Variants in ACTN1 observed in about 807,000 individuals in gnomAD.
ACTN1 encodes the protein actinin alpha 1.
A neutral mutation model predicts 119.6 loss-of-function variants in ACTN1; 30 were observed. That is an observed-to-expected ratio of 0.25 (90% confidence interval 0.19 to 0.34). The LOEUF is 0.34. Among genes scored for constraint, ACTN1 ranks in the 10% least tolerant of loss-of-function variants. The pLI, the probability that ACTN1 is intolerant of heterozygous loss-of-function variation, is 1.00. For synonymous variants in ACTN1, 429 were observed against 472.6 expected (o/e 0.91, Z 1.20); for missense variants, 764 against 1,223.4 (o/e 0.62, Z 5.60).
At chr14:68,956,796 CCT>C (rs144840579) in intron 1 of ACTN1, among the ~76,000 whole-genome samples, 1 of 151,328 alleles carries the variant, frequency 6.6e-6, no homozygotes, top group Non-Finnish European at 1.5e-5. Flanking sequence ...TCCTCAAGTC[CCT>C]CTCTCTCTCT....
chr14:68,979,226 T>TGGCGGCGAC lies in ACTN1; in HGVS notation c.-179_-171dup. 2.2e-6 allele frequency: 1 copy of TGGCGGCGAC among 449,794 alleles called. No homozygotes were observed. Among genetic ancestry groups the TGGCGGCGAC allele is most frequent in the Non-Finnish European group, 3.8e-6 (1 of 260,092 alleles). The allele number at this position is 449,794 out of a possible 1,614,324, so 27.9% of individuals were successfully genotyped here. On this transcript the variant is annotated 5_prime_UTR_variant, in exon 1 of 22. Transcript: ENST00000394419. The stretch of plus-strand genomic sequence containing the variant: ...CGGCGCTGCTGGCGAAGGCTGCTAC[T>TGGCGGCGAC]GGCGGCGACAGCGGCGGCTGGGCTC...
chr14:68,928,387 T>A (rs1445630219), intron 1 of ACTN1, among the ~76,000 whole-genome samples: 1 of 152,132 alleles, frequency 6.6e-6, no homozygotes, highest in Non-Finnish European at 1.5e-5. Context: ...CATAGATTAC[T>A]GCCTTGAAGG....
chr14:68,962,973 C>G (rs17093668), intron 1 of ACTN1, among the ~76,000 whole-genome samples: 37,508 of 152,142 alleles, frequency 0.25, 4,990 homozygotes, highest in African/African-American at 0.31. Flanking sequence ...TTCACCAGTC[C>G]TCACTGTTGC....
intron 1 of ACTN1, among the ~76,000 whole-genome samples, chr14:68,956,757 C>T (rs2036363830): frequency 6.6e-6 from 1 of 152,172 alleles, no homozygotes; most frequent in African/African-American, 2.4e-5. Flanking sequence ...ACCTCTCCTT[C>T]ACAGACCAAA....
chr14:68,975,416 A>G (rs1202085178), intron 1 of ACTN1, among the ~76,000 whole-genome samples: 2 of 152,236 alleles, frequency 1.3e-5, no homozygotes, highest in Admixed American at 6.5e-5. Flanking sequence ...GCATCAAGCC[A>G]GCAAGGTAGG....
chr14:68,876,144 A>T (rs1013346542), intron 21 of ACTN1, among the ~76,000 whole-genome samples: 3 of 152,196 alleles, frequency 2.0e-5, no homozygotes, highest in African/African-American at 7.2e-5. Context: ...TTACAGGTGC[A>T]CGCCACCACG....
chr14:68,936,698 G>A (rs1297848203), intron 1 of ACTN1: 32 of 633,320 alleles, frequency 5.1e-5, no homozygotes, highest in East Asian at 1.4e-4. Flanking sequence ...GCAAGAAGCC[G>A]GAGGAAAGGG....
At chr14:68,936,714 G>C (rs1168324752) in intron 1 of ACTN1, 1 of 638,754 alleles carries the variant, frequency 1.6e-6, no homozygotes, top group Non-Finnish European at 3.0e-6. Flanking sequence ...AAGGGGCTTT[G>C]ACAAAGCCTA....
At chr14:68,917,464 C>A (rs1423508260) in intron 3 of ACTN1, among the ~76,000 whole-genome samples, 1 of 152,222 alleles carries the variant, frequency 6.6e-6, no homozygotes, top group Non-Finnish European at 1.5e-5. Context: ...TCTCCACAGT[C>A]ACAGCCTTCA....
At chr14:68,875,549 C>T (rs1190505949) in intron 21 of ACTN1, among the ~76,000 whole-genome samples, 1 of 152,252 alleles carries the variant, frequency 6.6e-6, no homozygotes, top group African/African-American at 2.4e-5. Flanking sequence ...TTGCCCCATG[C>T]AAGCAGCTCC....
rs2031237447 is a variant in ACTN1 at position 68,879,112 on chromosome 14, G to A, written c.2281-43C>T. On this transcript the variant is annotated intron_variant, in intron 18 of 21. Transcript: ENST00000394419. This position sits in a 1 kb window ranked among gnomAD's most constrained non-coding sequence, Gnocchi z 4.9. The stretch of plus-strand genomic sequence containing the variant: ...CAGGCAGCGAGCCATGCGGTGTCAG[G>A]GAGGTGGAGCCGTGAGGGGGGCATG... The A allele has an allele frequency of 6.4e-7, 1 of 1,567,888 alleles. No homozygotes were observed. Among genetic ancestry groups the A allele is most frequent in the African/African-American group, 1.4e-5 (1 of 73,126 alleles).
At position 68,880,724 on chromosome 14, in the gene ACTN1, C is replaced by T. The variant is rs2031426118; in HGVS notation, c.2133+86G>A. 4.3e-6 allele frequency: 6 copies of T among 1,405,324 alleles called. No homozygotes were observed. The highest frequency in any genetic ancestry group is 5.9e-6 in the Non-Finnish European group (6 of 1,014,458). 87.1% of individuals were successfully genotyped at this position (1,405,324 alleles called of 1,614,324 possible). On this transcript the variant is annotated intron_variant, in intron 17 of 21. Coordinates refer to ENST00000394419, the MANE Select transcript of ACTN1 (RefSeq NM_001130004.2). The surrounding 1 kb of genome is among the most constrained non-coding windows in gnomAD (Gnocchi z 4.6). ...AGTTAATTTATCCTCCAACTATGACCTGTTCCCTTGGAGACTTCCCCACCC... is the reference window on the plus strand; with the variant it reads ...AGTTAATTTATCCTCCAACTATGACTTGTTCCCTTGGAGACTTCCCCACCC...
chr14:68,894,455 G>C (rs1212339724), intron 8 of ACTN1, among the ~76,000 whole-genome samples: 1 of 152,182 alleles, frequency 6.6e-6, no homozygotes, highest in Non-Finnish European at 1.5e-5. Flanking sequence ...CAGCAGCAAA[G>C]GGAAGGAAAG....
intron 3 of ACTN1, among the ~76,000 whole-genome samples, chr14:68,912,810 G>A (rs1443723761): frequency 6.6e-6 from 1 of 152,136 alleles, no homozygotes; most frequent in East Asian, 1.9e-4. Flanking sequence ...CAGAGAAGGG[G>A]GCATTTGAAA....
rs2032362364 is a variant in ACTN1, at chr14:68,890,132, G to A, written c.1234+7C>T. ...TGGGGGGAGGCAGGAGGCTGGGCTG[G>A]CCTCACCGTCAGTCCAGGCCTCGTG... On this transcript the variant is annotated splice_region_variant and intron_variant, in intron 11 of 21. Coordinates refer to ENST00000394419, the MANE Select transcript of ACTN1 (RefSeq NM_001130004.2). The A allele has an allele frequency of 6.2e-7, 1 of 1,609,416 alleles. No individual in the cohort carries two copies. Among genetic ancestry groups the A allele is most frequent in the African/African-American group, 1.3e-5 (1 of 74,870 alleles).
At chr14:68,902,722 G>T (rs1244975574) in intron 7 of ACTN1, among the ~76,000 whole-genome samples, 160 bp from the exon 8 acceptor site, 1 of 152,202 alleles carries the variant, frequency 6.6e-6, no homozygotes, top group African/African-American at 2.4e-5. Context: ...TTATGGGAAT[G>T]TAAGTAGAGG....
At chr14:68,948,987 G>A (rs1320397598) in intron 1 of ACTN1, among the ~76,000 whole-genome samples, 4 of 152,240 alleles carry the variant, frequency 2.6e-5, no homozygotes, top group East Asian at 3.8e-4. Context: ...GGGCTCTAGC[G>A]AGGAGCTGCT....
At chr14:68,928,763 A>C (rs2035055918) in intron 1 of ACTN1, among the ~76,000 whole-genome samples, 1 of 152,208 alleles carries the variant, frequency 6.6e-6, no homozygotes, top group Non-Finnish European at 1.5e-5. Context: ...ACCAGGTCTC[A>C]GAGGACTTGC....
At chr14:68,888,115 T>C in intron 11 of ACTN1, 1 of 621,702 alleles carries the variant, frequency 1.6e-6, no homozygotes, top group Non-Finnish European at 3.0e-6. Flanking sequence ...GTGCCAGGTG[T>C]CTGCGGGCCG....
Sources: allele counts gnomAD v4.1 joint callset (sites outside exome capture counted in the v4.1 genomes callset), GRCh38; gene constraint gnomAD v4.1.1; non-coding constraint Gnocchi (gnomAD v3.1); transcripts MANE v1.5; gene names NCBI Gene and HGNC (gene_info 2026-07-23, HGNC 2026-07-21).